Variants in ASTN1 observed in about 807,000 individuals in gnomAD.
ASTN1 encodes the protein astrotactin-1.
A neutral mutation model predicts 140.7 loss-of-function variants in ASTN1; 41 were observed. The ratio of observed to expected loss-of-function variants is 0.29; its 90% confidence interval spans 0.23 to 0.38. The LOEUF (loss-of-function observed/expected upper bound fraction) is 0.38, where lower values mean the gene tolerates loss of function less well. ASTN1 is among the 10% of genes least tolerant of loss of function. The probability of loss-of-function intolerance (pLI) is 1.00; values close to 1 mark genes in which losing one functional copy is unlikely to be tolerated. For synonymous variants in ASTN1, 640 were observed against 652.2 expected, an observed-to-expected ratio of 0.98 and a Z score of 0.29; for missense variants, 1,479 against 1,678.8, an observed-to-expected ratio of 0.88 and a Z score of 2.08.
intron 9 of ASTN1, 57 bp downstream of exon 9, chr1:176,965,106 G>A (rs1462133613): frequency 6.6e-7 from 1 of 1,521,062 alleles, no homozygotes; most frequent in Admixed American, 1.7e-5. Flanking sequence ...CAGTTCGGGG[G>A]AAGCGGAACA....
At chr1:176,906,840 T>C (rs1328123672) in intron 16 of ASTN1, among the ~76,000 whole-genome samples, 2 of 139,534 alleles carry the variant, frequency 1.4e-5, no homozygotes, top group Non-Finnish European at 3.0e-5. Flanking sequence ...TGAGACTCTC[T>C]CTCAAAAAAA....
intron 2 of ASTN1, among the ~76,000 whole-genome samples, chr1:177,054,734 C>T (rs1677713838): frequency 1.3e-5 from 2 of 152,196 alleles, no homozygotes; most frequent in South Asian, 2.1e-4. Flanking sequence ...TGTGAAAAGT[C>T]AGGACAGGTC....
In ASTN1 at chr1:176,885,826, T is replaced by A. The variant is rs548959565; in HGVS notation, c.3075-1336A>T. On this transcript the variant is annotated intron_variant, in intron 18 of 22. Transcript: ENST00000361833. ...CATATAATTATACATGTGATTATAA[T>A]AATATGTGATAAGAGTTTCAAAAAT... 1.4e-3 allele frequency among the ~76,000 whole-genome samples: 220 copies of A among 152,324 alleles called. 1 individual carries two copies. Among genetic ancestry groups the A allele is most frequent in the Non-Finnish European group, 2.6e-3 (179 of 68,030 alleles).
chr1:177,035,696 C>G (rs1676681115), intron 2 of ASTN1, among the ~76,000 whole-genome samples: 1 of 152,166 alleles, frequency 6.6e-6, no homozygotes, highest in South Asian at 2.1e-4. Flanking sequence ...ATATCTATCT[C>G]TAGGTTCAGC....
At chr1:177,029,171 T>C (rs12041859) in intron 5 of ASTN1, among the ~76,000 whole-genome samples, 30,173 of 152,084 alleles carry the variant, frequency 0.2, 3,933 homozygotes, top group East Asian at 0.63. Flanking sequence ...CAAAGACAAT[T>C]ACACAGATTT....
At chr1:176,881,646 G>T (rs896822889) in intron 20 of ASTN1, among the ~76,000 whole-genome samples, 6 of 152,072 alleles carry the variant, frequency 3.9e-5, no homozygotes, top group Admixed American at 3.9e-4. Flanking sequence ...GGCATTGGTG[G>T]AATCACCCAA....
At chr1:176,910,063 C>T (rs57972377) in intron 16 of ASTN1, among the ~76,000 whole-genome samples, 2,134 of 152,276 alleles carry the variant, frequency 0.014, 48 homozygotes, top group African/African-American at 0.049. Context: ...AAAACACCCC[C>T]AATTCCAGGA....
At chr1:177,063,656 T>G (rs1486538930) in intron 1 of ASTN1, among the ~76,000 whole-genome samples, 1 of 152,140 alleles carries the variant, frequency 6.6e-6, no homozygotes, top group Non-Finnish European at 1.5e-5. Flanking sequence ...CATTCCCCAC[T>G]TGGGCGCTTA....
At chr1:177,091,751 T>C (rs1679766319) in intron 1 of ASTN1, among the ~76,000 whole-genome samples, 1 of 152,132 alleles carries the variant, frequency 6.6e-6, no homozygotes, top group South Asian at 2.1e-4. Flanking sequence ...TCTGTCTCTA[T>C]GTATTTGCCT....
At chr1:176,888,812 G>C (rs1669148119) in intron 17 of ASTN1, among the ~76,000 whole-genome samples, 1 of 152,192 alleles carries the variant, frequency 6.6e-6, no homozygotes, top group Admixed American at 6.5e-5. Flanking sequence ...AGCCCTGAGT[G>C]AGAACTCCTG....
chr1:176,968,353 C>T lies in ASTN1; in HGVS notation c.1524-3116G>A, dbSNP rs562676782. On this transcript the variant is annotated intron_variant, in intron 8 of 22. Transcript: ENST00000361833. ...CAAATTTCAATAGAGGAAGATGTGT[C>T]TTGCCCTAAGGTGCAAATGCAATGC... 2.0e-5 allele frequency among the ~76,000 whole-genome samples: 3 copies of T among 152,324 alleles called. No homozygotes were observed. The East Asian group carries it at 5.8e-4, about 29-fold the overall frequency.
intron 1 of ASTN1, among the ~76,000 whole-genome samples, chr1:177,103,484 G>A (rs1323690711): frequency 1.3e-5 from 2 of 152,150 alleles, no homozygotes; most frequent in African/African-American, 4.8e-5. Context: ...TAAGGGGAGA[G>A]CACCCATGGA....
At chr1:177,163,149 G>T (rs932829068) in intron 1 of ASTN1, among the ~76,000 whole-genome samples, 1 of 152,118 alleles carries the variant, frequency 6.6e-6, no homozygotes, top group South Asian at 2.1e-4. Flanking sequence ...GCCTACATGT[G>T]GCCATCAGGA....
intron 16 of ASTN1, among the ~76,000 whole-genome samples, chr1:176,922,538 C>T (rs1049660725): frequency 7.4e-6 from 1 of 134,532 alleles, no homozygotes. Context: ...CTTACAGTGT[C>T]CACTCCAGCC....
At chr1:176,858,834 G>A (rs1667884693), downstream of ASTN1, among the ~76,000 whole-genome samples, 1 of 152,162 alleles carries the variant, frequency 6.6e-6, no homozygotes, top group Non-Finnish European at 1.5e-5. Context: ...TCTTTCCCTT[G>A]TTAGAGAAGC....
In ASTN1 at chr1:176,936,394, T is replaced by C. The variant is rs149806141; in HGVS notation, c.2378-24A>G. On this transcript the variant is annotated intron_variant, in intron 14 of 22. Transcript: ENST00000361833. ...CCCTAAGGACAGAAGAGATGTAAGC[T>C]GAGTTCTGATACTGATTCATAAGTT... 1.3e-4 allele frequency: 206 copies of C among 1,573,368 alleles called. No homozygotes were observed. The East Asian group carries it at 4.1e-3, about 31-fold the overall frequency.
intron 1 of ASTN1, among the ~76,000 whole-genome samples, chr1:177,070,791 T>C (rs1196224245): frequency 6.6e-6 from 1 of 152,136 alleles, no homozygotes; most frequent in Non-Finnish European, 1.5e-5. Flanking sequence ...GAATCTTAGG[T>C]CTCCTGGTTT....
intron 11 of ASTN1, among the ~76,000 whole-genome samples, chr1:176,951,746 T>C (rs1301384822): frequency 6.6e-6 from 1 of 152,256 alleles, no homozygotes; most frequent in Non-Finnish European, 1.5e-5. Flanking sequence ...CTGAAATTCA[T>C]ACTCTCTTAG....
chr1:176,944,087 T>C lies in ASTN1; in HGVS notation c.2250-69A>G, dbSNP rs922372841. The C allele has an allele frequency of 4.4e-6, 7 of 1,581,494 alleles. No homozygotes were observed. In the African/African-American group the frequency reaches 6.8e-5, roughly 15 times the overall value. On this transcript the variant is annotated intron_variant, in intron 13 of 22. Transcript: ENST00000361833. ...CTGACTCCTTACTGAGCATTTTTTT[T>C]TTTTTTTGAGACGGAGTTTCACTCT...
Sources: allele counts gnomAD v4.1 joint callset (sites outside exome capture counted in the v4.1 genomes callset), GRCh38; gene constraint gnomAD v4.1.1; transcripts MANE v1.5; gene names NCBI Gene and HGNC (gene_info 2026-07-23, HGNC 2026-07-21).